DPP6: variants seen among roughly 807,000 people sequenced by gnomAD.
DPP6 encodes the protein dipeptidyl peptidase like 6.
Under a neutral mutation model 122.6 loss-of-function variants are expected in DPP6, and 69 were observed. That is an observed-to-expected ratio of 0.56 (90% CI 0.46 to 0.69). The LOEUF is 0.69. Ranked by LOEUF, DPP6 falls within the 30% of genes least tolerant of loss-of-function variation. DPP6 has a pLI of 0.00. For synonymous variants in DPP6, 418 were observed against 433.1 expected, an observed-to-expected ratio of 0.97 and a Z score of 0.43; for missense variants, 928 against 1,116.9, an observed-to-expected ratio of 0.83 and a Z score of 2.41.
chr7:154,827,189 C>T (rs10234791), intron 16 of DPP6, among the ~76,000 whole-genome samples: 3,939 of 151,086 alleles, frequency 0.026, 184 homozygotes, highest in African/African-American at 0.09. Flanking sequence ...CTGAAATCCA[C>T]CCCCTCCCAG....
intron 1 of DPP6, among the ~76,000 whole-genome samples, chr7:154,150,808 G>T (rs1249099503): frequency 6.6e-6 from 1 of 152,168 alleles, no homozygotes; most frequent in South Asian, 2.1e-4. Context: ...AGTATCAGGA[G>T]CCTGGTGATT....
intron 16 of DPP6, among the ~76,000 whole-genome samples, chr7:154,846,470 C>T (rs377576436): frequency 2.0e-5 from 3 of 152,118 alleles, no homozygotes; most frequent in Non-Finnish European, 2.9e-5. Context: ...GTTACCAGGA[C>T]GCAACATTAG....
chr7:153,795,325 G>C, the DPP6 span, among the ~76,000 whole-genome samples: 1 of 152,210 alleles, frequency 6.6e-6, no homozygotes, highest in Non-Finnish European at 1.5e-5. Flanking sequence ...TGAGGCAGGG[G>C]AACTGCTTGA....
Position 154,244,268 on chromosome 7 carries a change from A to G in DPP6, c.243+191205A>G, listed in dbSNP as rs144798505. Among the ~76,000 whole-genome samples the G allele has an allele frequency of 6.6e-3, 1,011 of 152,310 alleles. 17 individuals carry two copies. The highest frequency in any genetic ancestry group is 0.024 in the African/African-American group (979 of 41,588). On this transcript the variant is annotated intron_variant, in intron 1 of 25. Coordinates refer to ENST00000377770, the MANE Select transcript of DPP6 (RefSeq NM_130797.4). ...CAAAAGAAGAAAAAAATACAAATCT[A>G]TTGACCCTAAATTTTATATAAAGCA...
the DPP6 span, among the ~76,000 whole-genome samples, chr7:153,797,577 G>C: frequency 6.6e-6 from 1 of 152,044 alleles, no homozygotes; most frequent in Non-Finnish European, 1.5e-5. Context: ...TTCAATATTG[G>C]CTTCATCCTC....
chr7:154,369,952 T>C (rs1812502518), intron 1 of DPP6, among the ~76,000 whole-genome samples: 1 of 147,700 alleles, frequency 6.8e-6, no homozygotes, highest in African/African-American at 2.5e-5. Context: ...ATTCATGGGA[T>C]AGCAGATATA....
intron 1 of DPP6, among the ~76,000 whole-genome samples, chr7:154,054,187 C>G: frequency 6.6e-6 from 1 of 152,146 alleles, no homozygotes; most frequent in East Asian, 1.9e-4. Context: ...TTAGTCTACC[C>G]TGACATACCC....
chr7:154,864,301 C>T (rs567865888), intron 17 of DPP6, among the ~76,000 whole-genome samples: 5 of 152,320 alleles, frequency 3.3e-5, no homozygotes, highest in African/African-American at 1.2e-4. Flanking sequence ...ATCCCCTGAA[C>T]CTGCCGGGCC....
In DPP6 at chr7:154,297,944, C is replaced by T. The variant is rs117900435; in HGVS notation, c.244-148270C>T. ...TTTAGGTGTCAGCTTGGCTAGGCCA[C>T]GGTACCCAGCTTCTTCTCAAACACC... On this transcript the variant is annotated intron_variant, in intron 1 of 25. Transcript: ENST00000377770. Among the ~76,000 whole-genome samples, 26 of 152,294 alleles carry T rather than the reference C, an allele frequency of 1.7e-4. No homozygotes were observed. The East Asian group carries it at 3.5e-3, about 20-fold the overall frequency.
intron 1 of DPP6, among the ~76,000 whole-genome samples, chr7:154,016,757 T>G (rs1212966369): frequency 6.6e-6 from 1 of 152,188 alleles, no homozygotes; most frequent in East Asian, 1.9e-4. Context: ...CTGTACTAAT[T>G]TAATTCCCAC....
chr7:153,881,811 A>T, the DPP6 span, among the ~76,000 whole-genome samples: 1 of 152,098 alleles, frequency 6.6e-6, no homozygotes, highest in Non-Finnish European at 1.5e-5. Context: ...CTAATGGCTA[A>T]ATTTGTATTG....
At chr7:154,147,495 T>TTTC (rs1554475575) in intron 1 of DPP6, among the ~76,000 whole-genome samples, 300 of 150,536 alleles carry the variant, frequency 2.0e-3, no homozygotes, top group African/African-American at 6.8e-3. Flanking sequence ...CCTTCCTTTC[T>TTTC]TTTTCTGTCG....
chr7:154,022,951 C>G (rs1798774932), intron 1 of DPP6, among the ~76,000 whole-genome samples: 1 of 152,182 alleles, frequency 6.6e-6, no homozygotes, highest in Non-Finnish European at 1.5e-5. Context: ...TCTTTCTTAA[C>G]TTCTAATCCA....
At chr7:153,873,672 T>C in the DPP6 span, among the ~76,000 whole-genome samples, 1 of 152,194 alleles carries the variant, frequency 6.6e-6, no homozygotes, top group Non-Finnish European at 1.5e-5. Context: ...ATTAACCTGG[T>C]AAAGCAGGGA....
intron 7 of DPP6, among the ~76,000 whole-genome samples, chr7:154,675,322 G>C (rs571899742): frequency 1.3e-5 from 2 of 151,990 alleles, no homozygotes; most frequent in Non-Finnish European, 1.5e-5. Context: ...AAACCTACAC[G>C]TTGTGAACAT....
chr7:154,523,491 C>A (rs949543303), intron 3 of DPP6, among the ~76,000 whole-genome samples: 1 of 152,186 alleles, frequency 6.6e-6, no homozygotes, highest in Admixed American at 6.5e-5. Context: ...CTGACAAAAA[C>A]GACCATAATC....
At chr7:154,392,115 A>G (rs1814678560) in intron 1 of DPP6, among the ~76,000 whole-genome samples, 1 of 152,140 alleles carries the variant, frequency 6.6e-6, no homozygotes, top group Non-Finnish European at 1.5e-5. Context: ...CTCTACTAAA[A>G]ATACAAAAAT....
chr7:153,896,428 T>G (rs933920418), intron 1 of DPP6, among the ~76,000 whole-genome samples: 25 of 152,216 alleles, frequency 1.6e-4, no homozygotes, highest in African/African-American at 6.0e-4. Flanking sequence ...AGGCCAAATT[T>G]TTTTTTCATT....
At chr7:154,683,746 C>T (rs1345146353) in intron 7 of DPP6, among the ~76,000 whole-genome samples, 3 of 152,202 alleles carry the variant, frequency 2.0e-5, no homozygotes, top group Non-Finnish European at 4.4e-5. Flanking sequence ...TCTCCTGCCA[C>T]CCAGTACTCC....
Sources: gnomAD v4.1 joint callset for allele counts (sites outside exome capture counted in the v4.1 genomes callset) on GRCh38, gnomAD v4.1.1 for gene constraint, MANE v1.5 for transcripts, NCBI Gene and HGNC (gene_info 2026-07-23, HGNC 2026-07-21) for gene names.